The following DIPK1A variants were observed in gnomAD, a reference collection of about 807,000 sequenced individuals.
DIPK1A encodes divergent protein kinase domain 1A.
A neutral mutation model predicts 40.8 loss-of-function variants in DIPK1A; 27 were observed. The ratio of observed to expected loss-of-function variants is 0.66; its 90% CI spans 0.49 to 0.91. The LOEUF is 0.91. Among genes scored for constraint, DIPK1A ranks in the 40% least tolerant of loss-of-function variants. DIPK1A has a pLI of 0.00. For missense variants in DIPK1A, 412 were observed against 505.7 expected (o/e 0.81, Z 1.78); for synonymous variants, 166 against 171.3 (o/e 0.97, Z 0.24).
intron 1 of DIPK1A, among the ~76,000 whole-genome samples, chr1:92,921,166 T>C (rs1650255096): frequency 6.6e-6 from 1 of 151,674 alleles, no homozygotes; most frequent in African/African-American, 2.4e-5. Context: ...ACTTTAGTAT[T>C]TTTTTTTAAT....
At chr1:92,878,856 A>C (rs966909868) in intron 1 of DIPK1A, among the ~76,000 whole-genome samples, 3 of 134,390 alleles carry the variant, frequency 2.2e-5, no homozygotes, top group South Asian at 5.0e-4. Context: ...AACAAACAAA[A>C]ATTAGCCGAG....
At chr1:92,879,465 G>A (rs185513668) in intron 1 of DIPK1A, among the ~76,000 whole-genome samples, 5 of 152,250 alleles carry the variant, frequency 3.3e-5, no homozygotes, top group South Asian at 2.1e-4. Flanking sequence ...TGGACTGCCC[G>A]ATGCCTACTT....
chr1:92,892,506 A>C (rs998775507), intron 1 of DIPK1A, among the ~76,000 whole-genome samples: 26 of 152,090 alleles, frequency 1.7e-4, no homozygotes, highest in Non-Finnish European at 2.6e-4. Flanking sequence ...CCTGTACGTC[A>C]CCATCATCAA....
chr1:92,897,743 G>A lies in DIPK1A; in HGVS notation c.55-21313C>T, dbSNP rs139693461. Among the ~76,000 whole-genome samples, 443 of 148,682 alleles carry A rather than the reference G, an allele frequency of 3.0e-3. 1 individual carries two copies. Among genetic ancestry groups the A allele is most frequent in the African/African-American group, 0.011 (431 of 40,418 alleles). On this transcript the variant is annotated intron_variant, in intron 1 of 4. Transcript: ENST00000370310. ...TTAATTTCCTGTTTGTAACATATCA[G>A]AAGTTCCTTTTTTTTTTTTTAAAGA...
chr1:92,911,683 G>A (rs1351256072), intron 1 of DIPK1A, among the ~76,000 whole-genome samples: 1 of 152,078 alleles, frequency 6.6e-6, no homozygotes, highest in Non-Finnish European at 1.5e-5. Flanking sequence ...ATGCTCAGGA[G>A]TATAATTGCT....
At chr1:92,860,385 G>C (rs1647205835) in intron 2 of DIPK1A, among the ~76,000 whole-genome samples, 1 of 152,030 alleles carries the variant, frequency 6.6e-6, no homozygotes, top group Non-Finnish European at 1.5e-5. Context: ...TATTGGTTCA[G>C]AATTTCTAGT....
At chr1:92,896,198 T>A (rs371112422) in intron 1 of DIPK1A, among the ~76,000 whole-genome samples, 3 of 152,116 alleles carry the variant, frequency 2.0e-5, no homozygotes, top group Non-Finnish European at 2.9e-5. Context: ...CATTGCCAAG[T>A]CAATCCTAAG....
At chr1:92,872,066 A>T (rs1297782636) in intron 2 of DIPK1A, among the ~76,000 whole-genome samples, 1 of 121,044 alleles carries the variant, frequency 8.3e-6, no homozygotes, top group East Asian at 2.4e-4. Flanking sequence ...TTTTTCTTTA[A>T]ATCTTTTTTT....
intron 2 of DIPK1A, among the ~76,000 whole-genome samples, chr1:92,875,393 T>C (rs1225603722): frequency 6.6e-6 from 1 of 152,096 alleles, no homozygotes; most frequent in Non-Finnish European, 1.5e-5. Context: ...AATTCTGAGA[T>C]GGAGTGTTTT....
chr1:92,909,679 C>G (rs1649755396), intron 1 of DIPK1A, among the ~76,000 whole-genome samples: 1 of 152,156 alleles, frequency 6.6e-6, no homozygotes, highest in African/African-American at 2.4e-5. Flanking sequence ...ATTATTGGCC[C>G]TAGGTGTAGA....
intron 2 of DIPK1A, among the ~76,000 whole-genome samples, chr1:92,863,571 C>CAAAA (rs10650458): frequency 1.2e-4 from 12 of 101,012 alleles, no homozygotes; most frequent in East Asian, 2.9e-4. Context: ...CTGTCTCTAC[C>CAAAA]AAAAAAAAAA....
chr1:92,942,625 CTTATT>C (rs1651199599), intron 1 of DIPK1A, among the ~76,000 whole-genome samples: 2 of 151,914 alleles, frequency 1.3e-5, no homozygotes, highest in African/African-American at 4.8e-5. Flanking sequence ...ATTATCTCAC[CTTATT>C]TTATTGAAAT....
downstream of DIPK1A, chr1:92,841,970 C>G (rs779200470): frequency 2.0e-5 from 20 of 995,130 alleles, no homozygotes; most frequent in Non-Finnish European, 2.8e-5. Context: ...AGGAAATACC[C>G]TGAAATATTT....
intron 4 of DIPK1A, among the ~76,000 whole-genome samples, chr1:92,846,794 T>C (rs1434041519): frequency 4.6e-3 from 17 of 3,670 alleles, no homozygotes; most frequent in African/African-American, 0.04. Flanking sequence ...ACTCCTGGCA[T>C]ATATATATAT....
In DIPK1A at chr1:92,955,068, G is replaced by A. The variant is rs569165246; in HGVS notation, c.54+6308C>T. Among the ~76,000 whole-genome samples, 3 of 152,300 alleles carry A rather than the reference G, an allele frequency of 2.0e-5. No homozygotes were observed. In the South Asian group the frequency reaches 6.2e-4, roughly 32 times the overall value. On this transcript the variant is annotated intron_variant, in intron 1 of 4. Coordinates refer to ENST00000370310, the MANE Select transcript of DIPK1A (RefSeq NM_001006605.5). ...GAGACGTAAATGCATATTACTAAGT[G>A]AAAGAAGCCTATTTGAAAAGGCTAC...
At chr1:92,844,325 A>C in intron 4 of DIPK1A, 130 bp from the exon 5 acceptor site, 1 of 631,848 alleles carries the variant, frequency 1.6e-6, no homozygotes, top group Non-Finnish European at 2.8e-6. Context: ...ACAGGAACTT[A>C]ATGTATTATA....
chr1:92,928,664 G>T (rs1200026222), intron 1 of DIPK1A, among the ~76,000 whole-genome samples: 1 of 152,092 alleles, frequency 6.6e-6, no homozygotes, highest in African/African-American at 2.4e-5. Flanking sequence ...AGTTTTTCTG[G>T]ATATGAAATT....
chr1:92,849,552 C>T (rs1687745058), intron 3 of DIPK1A, among the ~76,000 whole-genome samples: 1 of 151,864 alleles, frequency 6.6e-6, no homozygotes, highest in Non-Finnish European at 1.5e-5. Context: ...GCTCTATTGT[C>T]CAGGCTGGAG....
chr1:92,933,143 GAAGAA>G (rs996171941), intron 1 of DIPK1A: 5 of 151,740 alleles, frequency 3.3e-5, no homozygotes, highest in African/African-American at 9.7e-5. Context: ...ATCTCAAGAA[GAAGAA>G]AAGGAACAGA....
Sources: gnomAD v4.1 joint callset for allele counts (sites outside exome capture counted in the v4.1 genomes callset) on GRCh38, gnomAD v4.1.1 for gene constraint, MANE v1.5 for transcripts, NCBI Gene and HGNC (gene_info 2026-07-23, HGNC 2026-07-21) for gene names.